TET1: variants seen among roughly 807,000 people sequenced by gnomAD.
The protein encoded by TET1 is methylcytosine dioxygenase TET1.
In TET1, 13 loss-of-function variants were observed where a neutral mutation model predicts 148.7. That is an observed-to-expected ratio of 0.09 (90% confidence interval 0.06 to 0.14). The LOEUF (loss-of-function observed/expected upper bound fraction) is 0.14. TET1 is among the 10% of genes least tolerant of loss of function. The pLI is 1.00. For missense variants in TET1, 2,182 were observed against 2,553.8 expected (o/e 0.85, Z 3.14); for synonymous variants, 907 against 937.2 (o/e 0.97, Z 0.59).
At chr10:68,566,660 T>A (rs1373830729) in intron 1 of TET1, among the ~76,000 whole-genome samples, 1 of 152,180 alleles carries the variant, frequency 6.6e-6, no homozygotes, top group African/African-American at 2.4e-5. Context: ...ACACATTACA[T>A]TGACTAAATG....
At chr10:68,581,022 T>G (rs2053791378) in intron 2 of TET1, among the ~76,000 whole-genome samples, 1 of 152,046 alleles carries the variant, frequency 6.6e-6, no homozygotes, top group Non-Finnish European at 1.5e-5. Context: ...GTTTGAAGGT[T>G]GCCTGTAAGA....
At chr10:68,632,573 T>G in intron 3 of TET1, 1 of 1,602,900 alleles carries the variant, frequency 6.2e-7, no homozygotes, top group Non-Finnish European at 8.5e-7. Flanking sequence ...GGGTTTATCT[T>G]GGTGACTTTG....
chr10:68,642,504 GC>G (rs1374862565), intron 3 of TET1, among the ~76,000 whole-genome samples: 1 of 152,098 alleles, frequency 6.6e-6, no homozygotes, highest in Non-Finnish European at 1.5e-5. Context: ...CTTAAACAGG[GC>G]ACAGCATTTC....
intron 7 of TET1, 30 bp from the exon 8 acceptor site, chr10:68,672,865 A>G (rs1236769613): frequency 6.3e-7 from 1 of 1,584,038 alleles, no homozygotes; most frequent in African/African-American, 1.3e-5. Flanking sequence ...ATGCTTCATC[A>G]ATTCACTCTC....
intron 8 of TET1, among the ~76,000 whole-genome samples, chr10:68,680,380 A>C (rs1208887153): frequency 6.6e-6 from 1 of 152,048 alleles, no homozygotes; most frequent in Non-Finnish European, 1.5e-5. Flanking sequence ...TGGCTCTGTC[A>C]CCCAGGCCGG....
intron 2 of TET1, among the ~76,000 whole-genome samples, chr10:68,593,675 C>T (rs181990690): frequency 1.8e-4 from 28 of 151,814 alleles, no homozygotes; most frequent in Non-Finnish European, 3.4e-4. Context: ...GCAAATGGTG[C>T]GATCTCGGCT....
At chr10:68,682,629 A>G (rs1037560109) in intron 9 of TET1, among the ~76,000 whole-genome samples, 1 of 152,178 alleles carries the variant, frequency 6.6e-6, no homozygotes, top group Non-Finnish European at 1.5e-5. Context: ...TTGTAAATTC[A>G]GTGATTTTCC....
At position 68,691,656 on chromosome 10, in the gene TET1, G is replaced by A. The variant is rs2055595681; in HGVS notation, c.6253G>A (p.Asp2085Asn). ...GAAAATGAAGGCCTCAGAGCAAAAA[G>A]ACCAGGCAGCTAATGAAGGTCCAGA... Reference protein sequence around the residue: ...NKKMKASEQKDQAANEGPEQS... With the variant: ...NKKMKASEQKNQAANEGPEQS... Residue 2085 changes from aspartate (D) to asparagine (N), a missense_variant, in exon 12 of 12, where the codon GAC (aspartate) becomes AAC (asparagine). This residue lies in a region of TET1 where 54 missense variants were observed against 44.4 expected (regional missense o/e 1.22). Coordinates refer to ENST00000373644, the MANE Select transcript of TET1 (RefSeq NM_030625.3). The surrounding 1 kb of genome is among the most constrained non-coding windows in gnomAD (Gnocchi z 4.4). The A allele has an allele frequency of 1.2e-6, 2 of 1,614,196 alleles. No individual in the cohort carries two copies. The highest frequency in any genetic ancestry group is 1.7e-6 in the Non-Finnish European group (2 of 1,180,032).
At chr10:68,644,052 G>A (rs991685259) in intron 3 of TET1, among the ~76,000 whole-genome samples, 1 of 151,242 alleles carries the variant, frequency 6.6e-6, no homozygotes. Flanking sequence ...TTACAGGTGT[G>A]CACCACCACG....
At chr10:68,647,721 G>A (rs2054872600) in intron 4 of TET1, among the ~76,000 whole-genome samples, 1 of 152,116 alleles carries the variant, frequency 6.6e-6, no homozygotes, top group Non-Finnish European at 1.5e-5. Flanking sequence ...GTGTGAGATA[G>A]AAGATACATA....
At chr10:68,672,510 A>AAAAAC (rs1564504100) in intron 7 of TET1, among the ~76,000 whole-genome samples, 72 of 144,512 alleles carry the variant, frequency 5.0e-4, no homozygotes, top group African/African-American at 1.9e-3. Context: ...AAAAAAAAAA[A>AAAAAC]ACACCAAAAA....
chr10:68,592,427 C>T (rs2053929211), intron 2 of TET1, among the ~76,000 whole-genome samples: 3 of 152,128 alleles, frequency 2.0e-5, no homozygotes, highest in Non-Finnish European at 2.9e-5. Context: ...TTTTGATAAT[C>T]GTCTTAACAG....
intron 7 of TET1, among the ~76,000 whole-genome samples, chr10:68,672,443 G>GTGCCC (rs1267347310): frequency 1.6e-5 from 2 of 126,400 alleles, no homozygotes; most frequent in African/African-American, 6.3e-5. Context: ...AGCCGAGATT[G>GTGCCC]TGCCACGGCA....
intron 3 of TET1, among the ~76,000 whole-genome samples, chr10:68,640,612 C>A (rs1407479717): frequency 1.7e-5 from 2 of 115,554 alleles, no homozygotes; most frequent in Admixed American, 1.3e-4. Context: ...AGTGCAGTGG[C>A]GCTATCTAGG....
intron 6 of TET1, among the ~76,000 whole-genome samples, chr10:68,654,082 G>A (rs2054982024): frequency 7.4e-6 from 1 of 134,996 alleles, no homozygotes; most frequent in Non-Finnish European, 1.6e-5. Flanking sequence ...ACTCCAGCCT[G>A]GGCAACAAGA....
intron 7 of TET1, among the ~76,000 whole-genome samples, chr10:68,672,493 AAAAAAAAAAAAAAAAAAACACC>A (rs2055286783): frequency 6.8e-6 from 1 of 147,460 alleles, no homozygotes; most frequent in Admixed American, 6.7e-5. Flanking sequence ...ATCTCAAAAA[AAAAAAAAAAAAAAAAAAACACC>A]AAAAAAAAAA....
At position 68,645,772 on chromosome 10, in the gene TET1, A is replaced by T. The variant is rs527450173; in HGVS notation, c.3043A>T (p.Ile1015Phe). 9.3e-6 allele frequency: 15 copies of T among 1,614,164 alleles called. No homozygotes were observed. The Admixed American group carries it at 2.5e-4, about 27-fold the overall frequency. ...LFIPKSNSSK[I>F]DTNKSIAQGI... ...TATACCAAAATCAAATTCATCCAAG[A>T]TTGACACCAATAAAAGTATTGCTCA... The change falls in exon 4 of 12, where the codon ATT becomes TTT. Residue 1015 changes from isoleucine (I) to phenylalanine (F), a missense_variant. By Grantham distance (21) the Ile-to-Phe change is conservative (BLOSUM62 0). Transcript: ENST00000373644.
At chr10:68,666,311 T>A (rs2055194864) in intron 6 of TET1, among the ~76,000 whole-genome samples, 1 of 152,212 alleles carries the variant, frequency 6.6e-6, no homozygotes, top group South Asian at 2.1e-4. Context: ...ATATAATGCA[T>A]CCTTCCAATA....
chr10:68,621,311 C>T (rs10998334), intron 3 of TET1, among the ~76,000 whole-genome samples: 1,586 of 152,154 alleles, frequency 0.01, 26 homozygotes, highest in African/African-American at 0.035. Flanking sequence ...GGCGTGATCT[C>T]GGCTCAAAGC....
Sources: allele counts gnomAD v4.1 joint callset (sites outside exome capture counted in the v4.1 genomes callset), GRCh38; gene constraint gnomAD v4.1.1; regional missense constraint gnomAD v4.1.1; non-coding constraint Gnocchi (gnomAD v3.1); transcripts MANE v1.5; gene names NCBI Gene and HGNC (gene_info 2026-07-23, HGNC 2026-07-21).